PLD3: variants seen among roughly 807,000 people sequenced by gnomAD.
The protein encoded by PLD3 is phospholipase D family member 3, also known as 5'-3' exonuclease PLD3.
In PLD3, 31 loss-of-function variants were observed where a neutral mutation model predicts 58.4. The ratio of observed to expected loss-of-function variants is 0.53; its 90% CI spans 0.40 to 0.72. PLD3 has a LOEUF of 0.72. Among genes scored for constraint, PLD3 ranks in the 30% least tolerant of loss-of-function variants. The pLI is 0.00. For synonymous variants in PLD3, 264 were observed against 273.4 expected (o/e 0.97, Z 0.34); for missense variants, 595 against 659.8 (o/e 0.90, Z 1.08).
intron 10 of PLD3, 42 bp from the exon 11 acceptor site, chr19:40,376,567 G>T: frequency 6.3e-7 from 1 of 1,581,942 alleles, no homozygotes. Flanking sequence ...GGACACAGCC[G>T]CCCTCTGCAT....
At position 40,366,738 on chromosome 19, in the gene PLD3, C is replaced by G. The variant is rs114058224; in HGVS notation, c.103-35C>G. On this transcript the variant is annotated intron_variant, in intron 4 of 12. Coordinates refer to ENST00000409735, the MANE Select transcript of PLD3 (RefSeq NM_012268.4). The stretch of plus-strand genomic sequence containing the variant: ...TCTCAGAGACAGGCTGGGCTGCCCC[C>G]CTCGGGCTGGCTGACCACCTCCTCC... The G allele has an allele frequency of 6.7e-4, 1,081 of 1,613,914 alleles. 5 individuals carry two copies. In the African/African-American group the frequency reaches 0.012, roughly 18 times the overall value.
intron 9 of PLD3, 33 bp downstream of exon 9, chr19:40,371,906 C>G: frequency 6.4e-7 from 1 of 1,551,538 alleles, no homozygotes; most frequent in Non-Finnish European, 8.9e-7. Context: ...CTGTCATGTC[C>G]CAGCCCCATG....
chr19:40,373,850 A>C (rs1017180777), intron 9 of PLD3, among the ~76,000 whole-genome samples: 3 of 150,992 alleles, frequency 2.0e-5, no homozygotes, highest in Non-Finnish European at 3.0e-5. Flanking sequence ...TTAGCTGGCT[A>C]TGGTGATGTA....
At chr19:40,351,600 G>A (rs955483595) in intron 1 of PLD3, among the ~76,000 whole-genome samples, 1 of 152,152 alleles carries the variant, frequency 6.6e-6, no homozygotes, top group Non-Finnish European at 1.5e-5. Context: ...CAGCATGCTG[G>A]GCAAAGAGAA....
chr19:40,363,042 G>A (rs1188880585), intron 1 of PLD3, among the ~76,000 whole-genome samples: 1 of 152,102 alleles, frequency 6.6e-6, no homozygotes, highest in African/African-American at 2.4e-5. Context: ...TGAGATTACA[G>A]GTGTGAGCCA....
At chr19:40,366,960 CCAGGTA>C (rs749850573) in intron 5 of PLD3, 45 bp downstream of exon 5, 1 of 1,557,692 alleles carries the variant, frequency 6.4e-7, no homozygotes, top group Non-Finnish European at 8.7e-7. Context: ...GCCTGCCAGA[CCAGGTA>C]CACTTAAGCA....
Position 40,377,881 on chromosome 19 carries a change from C to T in PLD3, c.1281C>T (p.Tyr427=). ...NKYMVTERAT[Y]IGTSNWSGNY... ...ACATGGTGACTGAACGCGCCACCTACATCGGTGAGTGTCTTGAGCACCACG... is the reference window on the plus strand; with the variant it reads ...ACATGGTGACTGAACGCGCCACCTATATCGGTGAGTGTCTTGAGCACCACG... The change falls in exon 12 of 13, where the codon TAC becomes TAT. Residue 427 remains tyrosine, a synonymous_variant. Coordinates refer to ENST00000409735, the MANE Select transcript of PLD3 (RefSeq NM_012268.4). 6.2e-7 allele frequency: 1 copy of T among 1,613,820 alleles called. No homozygotes were observed. Among genetic ancestry groups the T allele is most frequent in the Non-Finnish European group, 8.5e-7 (1 of 1,179,718 alleles).
chr19:40,363,862 G>A (rs971522891), intron 1 of PLD3, among the ~76,000 whole-genome samples: 2 of 152,142 alleles, frequency 1.3e-5, no homozygotes, highest in African/African-American at 4.8e-5. Context: ...TACAAATCTA[G>A]GTTGGATCTT....
chr19:40,377,054 T>A (rs2079225581), intron 11 of PLD3, among the ~76,000 whole-genome samples: 1 of 134,224 alleles, frequency 7.5e-6, no homozygotes, highest in African/African-American at 3.0e-5. Flanking sequence ...AGGGCTGGGA[T>A]TGGGAGCACA....
Position 40,366,290 on chromosome 19 carries a change from T to C in PLD3, c.-65-129T>C, listed in dbSNP as rs1210811109. On this transcript the variant is annotated intron_variant, in intron 2 of 12. Coordinates refer to ENST00000409735, the MANE Select transcript of PLD3 (RefSeq NM_012268.4). ...CTGACCAGTGACCAGCTTCCTCTTT[T>C]TGGGGTGGTGGGCAGTGTGCCAGTG... 3 of 624,000 alleles carry C rather than the reference T, an allele frequency of 4.8e-6. No individual in the cohort carries two copies. In the African/African-American group the frequency reaches 5.6e-5, roughly 12 times the overall value. 38.7% of individuals were successfully genotyped at this position (624,000 alleles called of 1,614,324 possible). A position where few individuals can be genotyped will look rare whatever the true frequency, so the allele number is the denominator to read the frequency against.
In PLD3 at chr19:40,374,581, T is replaced by C. The variant is rs1268514992; in HGVS notation, c.980T>C (p.Met327Thr). ...NARSFIYVAV[M>T]NYLPTLEFSH... ...CGGAGTTTCATCTACGTCGCTGTCA[T>C]GAACTACCTGCCCACTCTGGAGTTC... Residue 327 changes from methionine to threonine, a missense_variant, in exon 10 of 13, where the codon ATG (methionine) becomes ACG (threonine). Met to Thr is a moderately conservative substitution (Grantham distance 81). Transcript: ENST00000409735. 2 of 1,614,170 alleles carry C rather than the reference T, an allele frequency of 1.2e-6. No individual in the cohort carries two copies. Among genetic ancestry groups the C allele is most frequent in the South Asian group, 1.1e-5 (1 of 91,074 alleles).
chr19:40,367,099 G>C, intron 5 of PLD3, 184 bp downstream of exon 5: 1 of 617,292 alleles, frequency 1.6e-6, no homozygotes, highest in Non-Finnish European at 2.8e-6. Context: ...GGCAGCCACA[G>C]CGTCATCTTC....
At chr19:40,367,915 C>T in intron 6 of PLD3, 36 bp downstream of exon 6, 1 of 1,508,748 alleles carries the variant, frequency 6.6e-7, no homozygotes, top group Non-Finnish European at 8.9e-7. Flanking sequence ...GCAGCAGGGG[C>T]AGGGGGTGGG....
chr19:40,370,056 C>G (rs2145692748), intron 7 of PLD3, 28 bp downstream of exon 7: 1 of 1,573,476 alleles, frequency 6.4e-7, no homozygotes, highest in African/African-American at 1.3e-5. Flanking sequence ...TGGGGCTGGT[C>G]TGGGCCTGGG....
chr19:40,376,991 T>G (rs1472722260), intron 11 of PLD3, among the ~76,000 whole-genome samples: 3 of 101,710 alleles, frequency 2.9e-5, no homozygotes, highest in Non-Finnish European at 4.1e-5. Context: ...GGGATGGGGG[T>G]GCAGAGAGAG....
At chr19:40,377,659 C>T (rs377444889) in intron 11 of PLD3, 127 bp from the exon 12 acceptor site, 4 of 702,088 alleles carry the variant, frequency 5.7e-6, no homozygotes, top group Middle Eastern at 2.9e-4. Flanking sequence ...CCTGTTCTGG[C>T]CCCCGAGGAT....
At chr19:40,349,453 T>C (rs531266820) in intron 1 of PLD3, among the ~76,000 whole-genome samples, 11 of 152,164 alleles carry the variant, frequency 7.2e-5, no homozygotes, top group Non-Finnish European at 1.0e-4. Flanking sequence ...TACGGGGTAC[T>C]GCAGCCCATT....
In PLD3 at chr19:40,377,726, CG is replaced by C. The variant is rs769454525; in HGVS notation, c.1186-56del. 5.3e-4 allele frequency: 649 copies of C among 1,232,524 alleles called. 1 individual carries two copies. Among genetic ancestry groups the C allele is most frequent in the Admixed American group, 1.1e-3 (62 of 56,542 alleles). 76.3% of individuals were successfully genotyped at this position (1,232,524 alleles called of 1,614,324 possible). On this transcript the variant is annotated intron_variant, in intron 11 of 12. Transcript: ENST00000409735. Reference sequence around the variant, plus strand: ...CGCTCCACACTCTGCTCCCTGATCCCGGGGCTCCTCCGACTCCCCCTGCCTC... The same window carrying C: ...CGCTCCACACTCTGCTCCCTGATCCCGGGCTCCTCCGACTCCCCCTGCCTC...
chr19:40,360,699 C>G (rs2078760884), intron 1 of PLD3: 1 of 151,892 alleles, frequency 6.6e-6, no homozygotes, highest in African/African-American at 2.4e-5. Context: ...GATTCCATTC[C>G]TCACCTCTCC....
Sources: allele counts gnomAD v4.1 joint callset (sites outside exome capture counted in the v4.1 genomes callset), GRCh38; gene constraint gnomAD v4.1.1; transcripts MANE v1.5; gene names NCBI Gene and HGNC (gene_info 2026-07-23, HGNC 2026-07-21).